Variants in RBMS3 observed in about 807,000 individuals in gnomAD.
The protein encoded by RBMS3 is RNA-binding motif, single-stranded-interacting protein 3.
Under a neutral mutation model 66.8 loss-of-function variants are expected in RBMS3, and 27 were observed. That is an observed-to-expected ratio of 0.40 (90% confidence interval 0.30 to 0.56). The LOEUF is 0.56. Among genes scored for constraint, RBMS3 ranks in the 20% least tolerant of loss-of-function variants. The pLI, the probability that RBMS3 is intolerant of heterozygous loss-of-function variation, is 0.40. For missense variants in RBMS3, 513 were observed against 549.5 expected, an observed-to-expected ratio of 0.93 and a Z score of 0.66; for synonymous variants, 188 against 183.0, an observed-to-expected ratio of 1.03 and a Z score of -0.22.
intron 3 of RBMS3, among the ~76,000 whole-genome samples, chr3:29,524,415 ATTTTTTTTTTTTTTTTT>A (rs1222102515): frequency 1.8e-5 from 1 of 57,074 alleles, no homozygotes; most frequent in Non-Finnish European, 3.1e-5. Flanking sequence ...CTCCCTTTAC[ATTTTTTTTTTTTTTTTT>A]TTTTTTTTTT....
intron 3 of RBMS3, among the ~76,000 whole-genome samples, chr3:29,512,371 A>T (rs1260807106): frequency 1.3e-5 from 2 of 152,180 alleles, no homozygotes. Flanking sequence ...ATTTTGATTC[A>T]TCTGACATTA....
At chr3:29,630,127 T>C (rs1448523456) in intron 4 of RBMS3, among the ~76,000 whole-genome samples, 2 of 152,040 alleles carry the variant, frequency 1.3e-5, no homozygotes, top group Non-Finnish European at 2.9e-5. Context: ...TCTTCCATCT[T>C]GCCAGCCCTT....
At chr3:29,649,420 A>T (rs1325919741) in intron 4 of RBMS3, among the ~76,000 whole-genome samples, 2 of 152,214 alleles carry the variant, frequency 1.3e-5, no homozygotes, top group East Asian at 3.9e-4. Context: ...AAACTCATAC[A>T]AGCATATTCT....
chr3:29,944,381 T>G (rs1322008957), intron 12 of RBMS3, 127 bp downstream of exon 12: 34 of 717,058 alleles, frequency 4.7e-5, no homozygotes, highest in African/African-American at 7.1e-5. Context: ...GAATTCCAGT[T>G]TGCAAGGGGG....
chr3:29,344,305 T>C (rs2036447519), intron 1 of RBMS3, among the ~76,000 whole-genome samples: 1 of 152,234 alleles, frequency 6.6e-6, no homozygotes, highest in South Asian at 2.1e-4. Context: ...TGCTAAACAG[T>C]TGTGAACACT....
intron 1 of RBMS3, among the ~76,000 whole-genome samples, chr3:29,335,414 T>G (rs913811841): frequency 4.6e-5 from 7 of 152,156 alleles, no homozygotes; most frequent in African/African-American, 1.4e-4. Context: ...CGTGGCACAT[T>G]CTAGAAGGTT....
At chr3:29,602,819 C>G (rs1021594272) in intron 4 of RBMS3, among the ~76,000 whole-genome samples, 2 of 151,898 alleles carry the variant, frequency 1.3e-5, no homozygotes, top group Non-Finnish European at 2.9e-5. Flanking sequence ...TGATTATAAC[C>G]TATTGCTTGC....
At chr3:29,727,838 C>G (rs995457605) in intron 4 of RBMS3, among the ~76,000 whole-genome samples, 1 of 152,054 alleles carries the variant, frequency 6.6e-6, no homozygotes, top group Non-Finnish European at 1.5e-5. Context: ...ACCATTTGAC[C>G]CAGCAATCGC....
chr3:29,844,494 A>C (rs1032336581), intron 6 of RBMS3, among the ~76,000 whole-genome samples: 10 of 152,218 alleles, frequency 6.6e-5, no homozygotes, highest in African/African-American at 1.4e-4. Flanking sequence ...TAAGATAATA[A>C]GACTTTTTGC....
intron 2 of RBMS3, among the ~76,000 whole-genome samples, chr3:29,479,840 G>A (rs1011126458): frequency 6.6e-6 from 1 of 152,108 alleles, no homozygotes; most frequent in African/African-American, 2.4e-5. Context: ...AAATCAGAAG[G>A]CCTGGAAATG....
chr3:29,575,761 C>G (rs2047098248), intron 3 of RBMS3, among the ~76,000 whole-genome samples: 1 of 151,970 alleles, frequency 6.6e-6, no homozygotes, highest in Non-Finnish European at 1.5e-5. Flanking sequence ...AATTCTTCTG[C>G]TTGATCAGTT....
At chr3:29,832,793 G>T (rs913112317) in intron 6 of RBMS3, among the ~76,000 whole-genome samples, 2 of 152,154 alleles carry the variant, frequency 1.3e-5, no homozygotes, top group Non-Finnish European at 2.9e-5. Context: ...GTCCACCCAT[G>T]AACTACTTAG....
chr3:29,511,162 C>T (rs1178932107), intron 3 of RBMS3, among the ~76,000 whole-genome samples: 5 of 151,960 alleles, frequency 3.3e-5, no homozygotes, highest in Non-Finnish European at 7.4e-5. Flanking sequence ...TGGGACATGG[C>T]GGCATGCACC....
chr3:29,360,978 T>C (rs1315916448), intron 1 of RBMS3, among the ~76,000 whole-genome samples: 1 of 152,040 alleles, frequency 6.6e-6, no homozygotes, highest in African/African-American at 2.4e-5. Context: ...TACAGCACAC[T>C]GATGGGTCTT....
rs528222186 is a variant in RBMS3 at position 29,983,221 on chromosome 3, G to A, written c.1099-4922G>A. On this transcript the variant is annotated intron_variant, in intron 12 of 14. Transcript: ENST00000383767. ...TAAAGTCTGTTTTATCAGAGACTAG[G>A]ATTGCAACCCCCGCCCCCTTTTTTT... Among the ~76,000 whole-genome samples the A allele has an allele frequency of 2.6e-3, 386 of 147,694 alleles. 3 individuals carry two copies. Among genetic ancestry groups the A allele is most frequent in the Admixed American group, 4.9e-3 (72 of 14,638 alleles).
chr3:29,626,427 A>G (rs1426496289), intron 4 of RBMS3, among the ~76,000 whole-genome samples: 3 of 152,212 alleles, frequency 2.0e-5, no homozygotes, highest in African/African-American at 7.2e-5. Context: ...CTGGATATCA[A>G]TATTAGCCAT....
chr3:29,848,242 T>C (rs1478112466), intron 6 of RBMS3, among the ~76,000 whole-genome samples: 1 of 152,184 alleles, frequency 6.6e-6, no homozygotes, highest in Non-Finnish European at 1.5e-5. Flanking sequence ...CAGTCAGGCA[T>C]AGATGCATTT....
chr3:29,408,489 G>A (rs1043479555), intron 1 of RBMS3, among the ~76,000 whole-genome samples: 1 of 151,800 alleles, frequency 6.6e-6, no homozygotes. Flanking sequence ...AATCTCTAAG[G>A]GTCAAGAAAA....
At chr3:29,302,276 T>C (rs2033727513) in intron 1 of RBMS3, among the ~76,000 whole-genome samples, 1 of 152,022 alleles carries the variant, frequency 6.6e-6, no homozygotes, top group South Asian at 2.1e-4. Context: ...CCTCCCAAAG[T>C]GCTGGGATTA....
Sources: gnomAD v4.1 joint callset for allele counts (sites outside exome capture counted in the v4.1 genomes callset) on GRCh38, gnomAD v4.1.1 for gene constraint, MANE v1.5 for transcripts, NCBI Gene and HGNC (gene_info 2026-07-23, HGNC 2026-07-21) for gene names.